SGCZ: variants seen among roughly 807,000 people sequenced by gnomAD.
The protein encoded by SGCZ is sarcoglycan zeta.
SGCZ carries 40 observed loss-of-function variants against 41.3 expected under a neutral mutation model. The observed-to-expected ratio is 0.97, with a 90% CI of 0.75 to 1.26. SGCZ has a LOEUF of 1.26. Among genes scored for constraint, SGCZ ranks in the 50% most tolerant of loss-of-function variants. The pLI is 0.00. For missense variants in SGCZ, 552 were observed against 369.8 expected (o/e 1.49, Z -4.04); for synonymous variants, 206 against 137.5 (o/e 1.50, Z -3.49).
intron 1 of SGCZ, among the ~76,000 whole-genome samples, chr8:14,587,339 G>A (rs193273908): frequency 6.6e-6 from 1 of 150,722 alleles, no homozygotes; most frequent in Non-Finnish European, 1.5e-5. Flanking sequence ...CCACGAATGT[G>A]TTAATATGAA....
chr8:14,516,457 A>T (rs996053369), intron 2 of SGCZ, among the ~76,000 whole-genome samples: 1 of 152,104 alleles, frequency 6.6e-6, no homozygotes, highest in Non-Finnish European at 1.5e-5. Flanking sequence ...ATTTAATAGC[A>T]TCAGAGAATA....
chr8:15,172,211 G>C (rs555154738), intron 1 of SGCZ, among the ~76,000 whole-genome samples: 1 of 126,672 alleles, frequency 7.9e-6, no homozygotes, highest in Admixed American at 1.0e-4. Context: ...GCCCAGGCTG[G>C]AGCGCAGTGG....
chr8:15,200,813 A>G (rs931178232), intron 1 of SGCZ, among the ~76,000 whole-genome samples: 4 of 152,144 alleles, frequency 2.6e-5, no homozygotes, highest in Non-Finnish European at 5.9e-5. Context: ...GCCTGACCCA[A>G]AGTCCTTAAC....
At chr8:14,180,180 G>T (rs1041707084) in intron 4 of SGCZ, among the ~76,000 whole-genome samples, 1 of 152,152 alleles carries the variant, frequency 6.6e-6, no homozygotes, top group African/African-American at 2.4e-5. Flanking sequence ...ACCAAAAACA[G>T]TCTGTCACAA....
intron 2 of SGCZ, among the ~76,000 whole-genome samples, chr8:14,458,191 A>G (rs998163325): frequency 2.0e-5 from 3 of 152,194 alleles, no homozygotes; most frequent in African/African-American, 7.2e-5. Flanking sequence ...ATCAACCACA[A>G]TGTGTGGGGA....
intron 1 of SGCZ, among the ~76,000 whole-genome samples, chr8:14,971,807 GC>G (rs1188163189): frequency 2.0e-5 from 3 of 151,736 alleles, no homozygotes; most frequent in African/African-American, 7.3e-5. Context: ...ATGCCACAAT[GC>G]CGAGATAATC....
intron 1 of SGCZ, among the ~76,000 whole-genome samples, chr8:14,859,672 C>T (rs541644499): frequency 4.7e-4 from 72 of 152,210 alleles, no homozygotes; most frequent in African/African-American, 1.6e-3. Context: ...ACCCAGTGTC[C>T]TCTAAAGAAA....
In SGCZ at chr8:14,528,848, AC is replaced by A. The variant is rs1316222446; in HGVS notation, c.234+25883del. ...CAGCCAAAAAAAAAACAAAACAAAA[AC>A]AAAAAAAGAGAAAGTGCCAAAATCT... On this transcript the variant is annotated intron_variant, in intron 2 of 7. Coordinates refer to ENST00000382080, the MANE Select transcript of SGCZ (RefSeq NM_139167.4). Among the ~76,000 whole-genome samples the A allele has an allele frequency of 1.0e-3, 149 of 144,808 alleles. 3 individuals are homozygous for A. The highest frequency in any genetic ancestry group is 3.8e-3 in the African/African-American group (133 of 35,036). The allele number at this position is 144,808 out of a possible 152,430, so 95.0% of individuals were successfully genotyped here.
At chr8:14,524,748 A>C (rs1234197063) in intron 2 of SGCZ, among the ~76,000 whole-genome samples, 7 of 152,110 alleles carry the variant, frequency 4.6e-5, no homozygotes, top group Admixed American at 4.6e-4. Flanking sequence ...GGCAGGAATA[A>C]GGAAAAGTGC....
chr8:14,886,027 AT>A (rs1563339192), intron 1 of SGCZ, among the ~76,000 whole-genome samples: 85 of 117,924 alleles, frequency 7.2e-4, no homozygotes, highest in Non-Finnish European at 1.1e-3. Flanking sequence ...ATATATATAT[AT>A]ATATATAAAA....
At chr8:15,215,523 A>G (rs1801371599) in intron 1 of SGCZ, among the ~76,000 whole-genome samples, 1 of 152,208 alleles carries the variant, frequency 6.6e-6, no homozygotes, top group Non-Finnish European at 1.5e-5. Context: ...ATAGGTGTTT[A>G]TAGTTGCATT....
rs562214669 is a variant in SGCZ at position 14,695,107 on chromosome 8, T to C, written c.40-140181A>G. Among the ~76,000 whole-genome samples, 156 of 152,172 alleles carry C rather than the reference T, an allele frequency of 1.0e-3. 2 individuals are homozygous for C. Among genetic ancestry groups the C allele is most frequent in the African/African-American group, 3.6e-3 (150 of 41,510 alleles). On this transcript the variant is annotated intron_variant, in intron 1 of 7. Transcript: ENST00000382080. ...AATGTCCAAAGAAAATTGATGCTGA[T>C]AGACAGTTTCAAGAAAAGGAAGAGT...
At chr8:14,951,513 A>C (rs1283867159) in intron 1 of SGCZ, among the ~76,000 whole-genome samples, 5 of 152,052 alleles carry the variant, frequency 3.3e-5, no homozygotes, top group Admixed American at 3.3e-4. Context: ...CCACAAAATC[A>C]TTCCTAAATG....
intron 1 of SGCZ, among the ~76,000 whole-genome samples, chr8:15,233,342 AAAAG>A (rs1424362112): frequency 2.0e-5 from 3 of 151,464 alleles, no homozygotes; most frequent in Admixed American, 6.6e-5. Flanking sequence ...AAAAAAAAAA[AAAAG>A]AAAGAAAGAA....
chr8:15,041,017 A>G (rs745928730), intron 1 of SGCZ, among the ~76,000 whole-genome samples: 22 of 152,078 alleles, frequency 1.4e-4, no homozygotes, highest in African/African-American at 1.9e-4. Context: ...AAAAACTTCT[A>G]TTTAAATAAT....
intron 1 of SGCZ, among the ~76,000 whole-genome samples, chr8:14,597,611 G>A (rs1805454895): frequency 6.6e-6 from 1 of 152,114 alleles, no homozygotes; most frequent in South Asian, 2.1e-4. Flanking sequence ...TAGAGTAGCT[G>A]GGATTACAGG....
intron 1 of SGCZ, among the ~76,000 whole-genome samples, chr8:14,958,337 A>T (rs1448665267): frequency 1.3e-5 from 2 of 152,086 alleles, no homozygotes; most frequent in African/African-American, 2.4e-5. Flanking sequence ...AAACAGAAAC[A>T]AATGAAATGT....
intron 2 of SGCZ, among the ~76,000 whole-genome samples, chr8:14,401,840 C>T (rs1170335296): frequency 2.0e-5 from 3 of 150,702 alleles, no homozygotes; most frequent in African/African-American, 7.4e-5. Context: ...ATTTCTAGTT[C>T]TAGATCCCTG....
At chr8:14,313,315 A>G (rs979548103) in intron 3 of SGCZ, among the ~76,000 whole-genome samples, 13 of 152,076 alleles carry the variant, frequency 8.5e-5, no homozygotes, top group African/African-American at 3.1e-4. Flanking sequence ...GATTTTTTAA[A>G]TTAATTAATT....
Sources: gnomAD v4.1 joint callset for allele counts (sites outside exome capture counted in the v4.1 genomes callset) on GRCh38, gnomAD v4.1.1 for gene constraint, MANE v1.5 for transcripts, NCBI Gene and HGNC (gene_info 2026-07-23, HGNC 2026-07-21) for gene names.